TTC28: variants seen among roughly 807,000 people sequenced by gnomAD.
TTC28 encodes the protein tetratricopeptide repeat protein 28.
TTC28 carries 61 observed loss-of-function variants against 198.0 expected under a neutral mutation model. That is an observed-to-expected ratio of 0.31 (90% CI 0.25 to 0.38). The LOEUF is 0.38. TTC28 is among the 10% of genes least tolerant of loss of function. TTC28 has a pLI of 1.00. For synonymous variants in TTC28, 1,171 were observed against 1,297.8 expected, an observed-to-expected ratio of 0.90 and a Z score of 2.10; for missense variants, 2,678 against 3,164.0, an observed-to-expected ratio of 0.85 and a Z score of 3.69.
chr22:28,228,288 G>A (rs1261919281), intron 5 of TTC28, among the ~76,000 whole-genome samples: 3 of 152,170 alleles, frequency 2.0e-5, no homozygotes, highest in Non-Finnish European at 4.4e-5. Flanking sequence ...GGAGATGGAT[G>A]GTGGTAGTAG....
chr22:28,571,540 T>G (rs1448152689), intron 2 of TTC28, among the ~76,000 whole-genome samples: 1 of 152,222 alleles, frequency 6.6e-6, no homozygotes, highest in Non-Finnish European at 1.5e-5. Context: ...GATAACCAAG[T>G]GCTGACAAGA....
chr22:28,047,488 A>T (rs1464150876), intron 12 of TTC28, among the ~76,000 whole-genome samples: 1 of 152,188 alleles, frequency 6.6e-6, no homozygotes, highest in African/African-American at 2.4e-5. Context: ...AGAAAAGTGG[A>T]GGACTAGAAA....
chr22:28,123,754 G>A (rs1405193485), intron 6 of TTC28, among the ~76,000 whole-genome samples: 8 of 152,154 alleles, frequency 5.3e-5, no homozygotes, highest in South Asian at 4.1e-4. Flanking sequence ...AGGCCGAGGC[G>A]GGTGGATTGC....
intron 2 of TTC28, among the ~76,000 whole-genome samples, chr22:28,615,171 T>C (rs1473100119): frequency 6.6e-6 from 1 of 152,158 alleles, no homozygotes; most frequent in Non-Finnish European, 1.5e-5. Context: ...AAAGAAGACA[T>C]TTATGCAGCC....
At chr22:28,004,917 G>A (rs772271209) in intron 14 of TTC28, among the ~76,000 whole-genome samples, 7 of 152,188 alleles carry the variant, frequency 4.6e-5, no homozygotes, top group Non-Finnish European at 1.0e-4. Context: ...TTCAGCACCT[G>A]GGCCTGTCAG....
intron 1 of TTC28, among the ~76,000 whole-genome samples, chr22:28,630,625 T>TA (rs2051157769): frequency 1.3e-5 from 2 of 152,114 alleles, no homozygotes; most frequent in Non-Finnish European, 2.9e-5. Flanking sequence ...CAAATATTCC[T>TA]TTATAGCCAC....
chr22:28,331,001 A>G (rs2045606435), intron 2 of TTC28, among the ~76,000 whole-genome samples: 1 of 152,208 alleles, frequency 6.6e-6, no homozygotes, highest in African/African-American at 2.4e-5. Context: ...TATATTCACC[A>G]GCCAATTCTA....
At chr22:28,185,183 C>T (rs1470862539) in intron 5 of TTC28, among the ~76,000 whole-genome samples, 1 of 152,154 alleles carries the variant, frequency 6.6e-6, no homozygotes, top group African/African-American at 2.4e-5. Flanking sequence ...GTTTATTTTT[C>T]CCTACAGCTG....
At chr22:28,556,448 T>C (rs1482752376) in intron 2 of TTC28, among the ~76,000 whole-genome samples, 2 of 152,244 alleles carry the variant, frequency 1.3e-5, no homozygotes, top group Non-Finnish European at 2.9e-5. Flanking sequence ...CTCCACACTA[T>C]GCATGCAGAT....
At chr22:28,493,628 G>A (rs775932909) in intron 2 of TTC28, among the ~76,000 whole-genome samples, 8 of 151,966 alleles carry the variant, frequency 5.3e-5, no homozygotes, top group Middle Eastern at 3.2e-3. Flanking sequence ...GGTCATCCAC[G>A]GCAACTAACA....
chr22:28,253,469 G>A (rs1297363193), intron 5 of TTC28, among the ~76,000 whole-genome samples: 1 of 152,084 alleles, frequency 6.6e-6, no homozygotes, highest in Non-Finnish European at 1.5e-5. Context: ...ACATTTATTT[G>A]TTTGCTCTCT....
intron 12 of TTC28, among the ~76,000 whole-genome samples, chr22:28,039,132 A>G (rs1939498934): frequency 6.6e-6 from 1 of 152,196 alleles, no homozygotes; most frequent in Non-Finnish European, 1.5e-5. Flanking sequence ...GGGTTCTAGA[A>G]CTAGAAATAC....
In TTC28 at chr22:28,255,605, C is replaced by T. The variant is rs150136056; in HGVS notation, c.933+40593G>A. 3.4e-3 allele frequency among the ~76,000 whole-genome samples: 518 copies of T among 150,934 alleles called. 5 individuals carry two copies. The highest frequency in any genetic ancestry group is 0.012 in the African/African-American group (477 of 41,108). On this transcript the variant is annotated intron_variant, in intron 5 of 22. Transcript: ENST00000397906. ...CTGAGGCAGGAGAATCACTTGAACC[C>T]GGGAGGCAGAGATTGCGGTGAGCTG...
rs955661746 is a variant in TTC28 at position 28,037,143 on chromosome 22, G to A, written c.3933-6777C>T. 6.6e-5 allele frequency among the ~76,000 whole-genome samples: 10 copies of A among 152,264 alleles called. 2 individuals carry two copies. The highest frequency in any genetic ancestry group is 2.1e-4 in the South Asian group (1 of 4,824). ...AACTATTCCAATCAATAGAAAAAGAGGGAATCCTCCCTAACTCATTTTATG... is the reference window on the plus strand; with the variant it reads ...AACTATTCCAATCAATAGAAAAAGAAGGAATCCTCCCTAACTCATTTTATG... On this transcript the variant is annotated intron_variant, in intron 12 of 22. Coordinates refer to ENST00000397906, the MANE Select transcript of TTC28 (RefSeq NM_001145418.2).
At chr22:28,036,070 T>G (rs2146652821) in intron 12 of TTC28, among the ~76,000 whole-genome samples, 1 of 152,228 alleles carries the variant, frequency 6.6e-6, no homozygotes, top group Non-Finnish European at 1.5e-5. Flanking sequence ...CTGTCGATAT[T>G]AGACAGATCA....
At chr22:28,594,215 T>G (rs1394912403) in intron 2 of TTC28, among the ~76,000 whole-genome samples, 1 of 150,742 alleles carries the variant, frequency 6.6e-6, no homozygotes, top group East Asian at 1.9e-4. Flanking sequence ...TCTCATTCCC[T>G]GAGACCTATA....
At chr22:28,361,493 C>G (rs1380395028) in intron 2 of TTC28, among the ~76,000 whole-genome samples, 1 of 151,912 alleles carries the variant, frequency 6.6e-6, no homozygotes, top group Non-Finnish European at 1.5e-5. Flanking sequence ...GAAGAAGCTG[C>G]AGAAGAAAAG....
chr22:28,240,542 C>G (rs1160247788), intron 5 of TTC28, among the ~76,000 whole-genome samples: 1 of 152,002 alleles, frequency 6.6e-6, no homozygotes, highest in African/African-American at 2.4e-5. Context: ...CACACAAATA[C>G]ATGTATACAT....
intron 2 of TTC28, among the ~76,000 whole-genome samples, chr22:28,343,284 C>T (rs2045860444): frequency 6.6e-6 from 1 of 152,050 alleles, no homozygotes; most frequent in African/African-American, 2.4e-5. Context: ...AATCCCAGCA[C>T]TTTGGGAGGC....
Sources: gnomAD v4.1 joint callset for allele counts (sites outside exome capture counted in the v4.1 genomes callset) on GRCh38, gnomAD v4.1.1 for gene constraint, MANE v1.5 for transcripts, NCBI Gene and HGNC (gene_info 2026-07-23, HGNC 2026-07-21) for gene names.